The following KCND2 variants were observed in gnomAD, a reference collection of about 807,000 sequenced individuals.
The protein encoded by KCND2 is A-type voltage-gated potassium channel KCND2.
A neutral mutation model predicts 54.4 loss-of-function variants in KCND2; 16 were observed. The observed-to-expected ratio is 0.29, with a 90% CI of 0.20 to 0.45. KCND2 has a LOEUF of 0.45. Among genes scored for constraint, KCND2 ranks in the 20% least tolerant of loss-of-function variants. The probability of loss-of-function intolerance (pLI) is 1.00; values close to 1 mark genes in which losing one functional copy is unlikely to be tolerated. For synonymous variants in KCND2, 317 were observed against 310.7 expected, an observed-to-expected ratio of 1.02 and a Z score of -0.21; for missense variants, 486 against 824.2, an observed-to-expected ratio of 0.59 and a Z score of 5.02.
chr7:120,733,637 G>C (rs532387058), intron 2 of KCND2, among the ~76,000 whole-genome samples: 1 of 152,034 alleles, frequency 6.6e-6, no homozygotes, highest in Non-Finnish European at 1.5e-5. Flanking sequence ...TCCAGTAGAC[G>C]AGGGTTATTA....
At chr7:120,634,667 A>G (rs1471464730) in intron 1 of KCND2, among the ~76,000 whole-genome samples, 1 of 152,134 alleles carries the variant, frequency 6.6e-6, no homozygotes, top group Non-Finnish European at 1.5e-5. Flanking sequence ...TTTCTTGACC[A>G]TCTCCTTTCT....
chr7:120,350,738 A>G (rs1388484694), intron 1 of KCND2, among the ~76,000 whole-genome samples: 1 of 152,170 alleles, frequency 6.6e-6, no homozygotes, highest in Non-Finnish European at 1.5e-5. Flanking sequence ...ATTTCAACCT[A>G]AGGACAGATT....
chr7:120,621,293 A>G (rs1793095549), intron 1 of KCND2, among the ~76,000 whole-genome samples: 2 of 150,070 alleles, frequency 1.3e-5, no homozygotes, highest in East Asian at 3.9e-4. Context: ...AAAAAAAAAA[A>G]AAAAAAAAAA....
At chr7:120,590,318 G>A (rs181430663) in intron 1 of KCND2, among the ~76,000 whole-genome samples, 2 of 152,156 alleles carry the variant, frequency 1.3e-5, no homozygotes, top group Admixed American at 6.5e-5. Context: ...TGCCTGGCTA[G>A]GGCTCTTAAT....
At chr7:120,507,969 T>G (rs888739378) in intron 1 of KCND2, among the ~76,000 whole-genome samples, 1 of 151,936 alleles carries the variant, frequency 6.6e-6, no homozygotes, top group African/African-American at 2.4e-5. Context: ...TTCATTAATT[T>G]AATGATAAGC....
intron 1 of KCND2, among the ~76,000 whole-genome samples, chr7:120,334,633 A>G (rs1800118483): frequency 6.6e-6 from 1 of 152,170 alleles, no homozygotes; most frequent in African/African-American, 2.4e-5. Flanking sequence ...CTAACAGTCT[A>G]AGCATCATAG....
intron 1 of KCND2, among the ~76,000 whole-genome samples, chr7:120,357,497 A>C (rs540464104): frequency 7.1e-4 from 108 of 152,268 alleles, no homozygotes; most frequent in African/African-American, 2.6e-3. Flanking sequence ...ACCTACATGC[A>C]ATAATCTTAT....
chr7:120,579,448 A>G (rs1792484448), intron 1 of KCND2, among the ~76,000 whole-genome samples: 1 of 151,734 alleles, frequency 6.6e-6, no homozygotes. Context: ...CTAAAAATAC[A>G]AAAATTAGCT....
Position 120,710,703 on chromosome 7 carries a change from A to C in KCND2, c.1116-22200A>C, listed in dbSNP as rs997792409. On this transcript the variant is annotated intron_variant, in intron 1 of 5. Transcript: ENST00000331113. Reference sequence around the variant, plus strand: ...GGTTGGTACTTAGATTGTATAAAAAAAAATTAAACAAGTTTTTAGGTCTGT... The same window carrying C: ...GGTTGGTACTTAGATTGTATAAAAACAAATTAAACAAGTTTTTAGGTCTGT... Among the ~76,000 whole-genome samples, 111 of 152,276 alleles carry C rather than the reference A, an allele frequency of 7.3e-4. 3 individuals carry two copies. The highest frequency in any genetic ancestry group is 2.5e-3 in the African/African-American group (104 of 41,560).
chr7:120,623,193 A>C (rs1793123212), intron 1 of KCND2, among the ~76,000 whole-genome samples: 1 of 152,184 alleles, frequency 6.6e-6, no homozygotes, highest in Admixed American at 6.5e-5. Flanking sequence ...GTCACTGCCA[A>C]GATTGGAAAC....
At chr7:120,660,761 A>G (rs1457084910) in intron 1 of KCND2, among the ~76,000 whole-genome samples, 1 of 152,210 alleles carries the variant, frequency 6.6e-6, no homozygotes, top group African/African-American at 2.4e-5. Context: ...TCTTGGCCTC[A>G]GTTAATGGTT....
chr7:120,726,714 A>C (rs895526113), intron 1 of KCND2, among the ~76,000 whole-genome samples: 5 of 152,230 alleles, frequency 3.3e-5, no homozygotes, highest in Non-Finnish European at 7.4e-5. Flanking sequence ...TTCATGTCCC[A>C]TGTGAGTTTC....
At chr7:120,480,069 T>C (rs996427173) in intron 1 of KCND2, among the ~76,000 whole-genome samples, 6 of 151,622 alleles carry the variant, frequency 4.0e-5, no homozygotes, top group Non-Finnish European at 5.9e-5. Context: ...AATGAACTTA[T>C]AACATCAAAA....
At chr7:120,659,983 C>T (rs559552174) in intron 1 of KCND2, among the ~76,000 whole-genome samples, 4 of 152,102 alleles carry the variant, frequency 2.6e-5, no homozygotes, top group Non-Finnish European at 4.4e-5. Context: ...CTGCAGAGAC[C>T]GGTAAGAATA....
At chr7:120,593,653 C>T (rs919240046) in intron 1 of KCND2, among the ~76,000 whole-genome samples, 11 of 151,972 alleles carry the variant, frequency 7.2e-5, no homozygotes, top group East Asian at 1.9e-4. Flanking sequence ...TATTGGACTC[C>T]GAAATGGAAT....
intron 1 of KCND2, among the ~76,000 whole-genome samples, chr7:120,430,268 T>G (rs529128876): frequency 1.3e-3 from 195 of 152,258 alleles, no homozygotes; most frequent in Non-Finnish European, 2.2e-3. Context: ...TGTGCCTCCC[T>G]GGTGTCTCTC....
intron 1 of KCND2, among the ~76,000 whole-genome samples, chr7:120,732,340 C>G (rs1206369233): frequency 6.6e-6 from 1 of 152,074 alleles, no homozygotes; most frequent in Non-Finnish European, 1.5e-5. Flanking sequence ...AGAGAATAGT[C>G]AACTAATAAG....
intron 1 of KCND2, among the ~76,000 whole-genome samples, chr7:120,378,623 A>G (rs927737685): frequency 3.3e-5 from 5 of 151,996 alleles, no homozygotes; most frequent in African/African-American, 9.7e-5. Flanking sequence ...CAACAAAACT[A>G]CGTGTAAAGC....
At chr7:120,648,077 A>T (rs894439478) in intron 1 of KCND2, among the ~76,000 whole-genome samples, 1 of 152,178 alleles carries the variant, frequency 6.6e-6, no homozygotes, top group African/African-American at 2.4e-5. Context: ...AAATATGATA[A>T]AAATAGGTTT....
Sources: gnomAD v4.1 joint callset for allele counts (sites outside exome capture counted in the v4.1 genomes callset) on GRCh38, gnomAD v4.1.1 for gene constraint, MANE v1.5 for transcripts, NCBI Gene and HGNC (gene_info 2026-07-23, HGNC 2026-07-21) for gene names.